The following PDE4D variants were observed in gnomAD, a reference collection of about 807,000 sequenced individuals.
PDE4D encodes the protein phosphodiesterase 4D, also known as 3',5'-cyclic-AMP phosphodiesterase 4D.
A neutral mutation model predicts 87.4 loss-of-function variants in PDE4D; 24 were observed. The observed-to-expected ratio is 0.27, with a 90% confidence interval of 0.20 to 0.39. PDE4D has a LOEUF of 0.39. Ranked by LOEUF, PDE4D falls within the 10% of genes least tolerant of loss-of-function variation. The probability of loss-of-function intolerance (pLI) is 1.00; values close to 1 mark genes in which losing one functional copy is unlikely to be tolerated. For synonymous variants in PDE4D, 384 were observed against 383.2 expected, an observed-to-expected ratio of 1.00 and a Z score of -0.02; for missense variants, 714 against 1,041.0, an observed-to-expected ratio of 0.69 and a Z score of 4.32.
chr5:59,156,488 CT>C (rs1392882447), intron 5 of PDE4D, among the ~76,000 whole-genome samples: 3 of 149,882 alleles, frequency 2.0e-5, no homozygotes, highest in African/African-American at 7.5e-5. Flanking sequence ...ACTATTCCTT[CT>C]TTTTTCCTCC....
chr5:60,376,142 G>C (rs554533397), intron 1 of PDE4D, among the ~76,000 whole-genome samples: 3 of 152,200 alleles, frequency 2.0e-5, no homozygotes, highest in South Asian at 4.1e-4. Flanking sequence ...TTAACAAATT[G>C]TCACCAATTT....
At chr5:60,095,225 AGT>A in intron 2 of PDE4D, among the ~76,000 whole-genome samples, 1 of 152,076 alleles carries the variant, frequency 6.6e-6, no homozygotes, top group Middle Eastern at 3.4e-3. Context: ...AACAGGCCCC[AGT>A]GTGTGATGTT....
intron 2 of PDE4D, among the ~76,000 whole-genome samples, chr5:60,082,307 G>A (rs1220878210): frequency 2.0e-5 from 3 of 152,130 alleles, no homozygotes; most frequent in Admixed American, 1.3e-4. Context: ...TGTTATCCAC[G>A]ATGTAAGGAT....
chr5:60,178,218 A>G (rs1040240632), intron 2 of PDE4D, among the ~76,000 whole-genome samples: 9 of 152,122 alleles, frequency 5.9e-5, no homozygotes, highest in African/African-American at 2.2e-4. Flanking sequence ...ACTTTTACCA[A>G]CATCTAATTG....
chr5:59,865,594 A>AG (rs1469806996), intron 1 of PDE4D, among the ~76,000 whole-genome samples: 2 of 152,222 alleles, frequency 1.3e-5, no homozygotes, highest in African/African-American at 2.4e-5. Context: ...AAGCTTCAGA[A>AG]GACACTATTT....
intron 3 of PDE4D, among the ~76,000 whole-genome samples, chr5:59,189,298 G>C (rs1743775661): frequency 7.8e-6 from 1 of 128,644 alleles, no homozygotes; most frequent in Non-Finnish European, 1.6e-5. Context: ...TGCCCAGGAT[G>C]GAGTGCAATG....
chr5:59,062,772 T>G (rs1763342620), intron 5 of PDE4D, among the ~76,000 whole-genome samples: 1 of 149,260 alleles, frequency 6.7e-6, no homozygotes, highest in Non-Finnish European at 1.5e-5. Flanking sequence ...AGATAAAACT[T>G]TTTTTAAAGG....
intron 1 of PDE4D, among the ~76,000 whole-genome samples, chr5:60,462,402 C>T (rs996968006): frequency 2.6e-5 from 4 of 152,094 alleles, no homozygotes; most frequent in Non-Finnish European, 5.9e-5. Flanking sequence ...TCCAGTTGCA[C>T]AGTGGAGCCA....
At chr5:59,997,677 C>G (rs1015023289) in intron 2 of PDE4D, among the ~76,000 whole-genome samples, 2 of 151,894 alleles carry the variant, frequency 1.3e-5, no homozygotes, top group Admixed American at 6.6e-5. Flanking sequence ...CAAAATATCC[C>G]CTTGATAAAC....
At chr5:59,393,912 T>TA (rs751465353) in intron 1 of PDE4D, among the ~76,000 whole-genome samples, 47 of 152,334 alleles carry the variant, frequency 3.1e-4, no homozygotes, top group Admixed American at 3.9e-4. Flanking sequence ...ATAAATGTGA[T>TA]AAAAGTTTTC....
intron 1 of PDE4D, among the ~76,000 whole-genome samples, chr5:60,413,631 G>A (rs574832229): frequency 1.5e-4 from 23 of 152,154 alleles, no homozygotes; most frequent in African/African-American, 5.5e-4. Flanking sequence ...AAGGGCCAAA[G>A]CCTATCCTTA....
intron 1 of PDE4D, among the ~76,000 whole-genome samples, chr5:59,315,861 C>A (rs60742332): frequency 8.3e-4 from 127 of 152,126 alleles, no homozygotes; most frequent in Middle Eastern, 3.4e-3. Context: ...GAGCACGCGG[C>A]GATTAGCCAA....
intron 1 of PDE4D, among the ~76,000 whole-genome samples, chr5:59,286,068 C>T (rs1011220700): frequency 6.6e-6 from 1 of 152,118 alleles, no homozygotes; most frequent in African/African-American, 2.4e-5. Context: ...TTGTATCAAC[C>T]ACATGAAGAC....
intron 1 of PDE4D, among the ~76,000 whole-genome samples, chr5:59,318,193 A>G (rs529437266): frequency 4.0e-4 from 61 of 152,300 alleles, no homozygotes; most frequent in African/African-American, 1.4e-3. Context: ...CACTGGAGGC[A>G]TTTTTATAAA....
At chr5:59,999,985 G>T (rs1296893986) in intron 2 of PDE4D, among the ~76,000 whole-genome samples, 1 of 151,586 alleles carries the variant, frequency 6.6e-6, no homozygotes, top group Non-Finnish European at 1.5e-5. Context: ...GCAGAAGAAA[G>T]AATAAATGAA....
At chr5:59,505,611 A>G (rs1184228651) in intron 1 of PDE4D, among the ~76,000 whole-genome samples, 1 of 152,210 alleles carries the variant, frequency 6.6e-6, no homozygotes, top group Non-Finnish European at 1.5e-5. Flanking sequence ...AGCATTTTAC[A>G]TTTTGCATAT....
chr5:59,743,218 CA>C (rs1759114802), intron 1 of PDE4D, among the ~76,000 whole-genome samples: 1 of 151,810 alleles, frequency 6.6e-6, no homozygotes, highest in Non-Finnish European at 1.5e-5. Context: ...AGAGAGCCCC[CA>C]AAAAATGGTA....
At chr5:59,524,175 A>G (rs1289704965) in intron 1 of PDE4D, among the ~76,000 whole-genome samples, 1 of 152,218 alleles carries the variant, frequency 6.6e-6, no homozygotes, top group South Asian at 2.1e-4. Context: ...GAGGCCTCAG[A>G]AGAAGACAGG....
chr5:59,197,136 T>G (rs1471552917), intron 2 of PDE4D, among the ~76,000 whole-genome samples: 1 of 152,036 alleles, frequency 6.6e-6, no homozygotes, highest in Non-Finnish European at 1.5e-5. Context: ...CATGGAAATA[T>G]GTCTCCTAAT....
Sources: allele counts gnomAD v4.1 joint callset (sites outside exome capture counted in the v4.1 genomes callset), GRCh38; gene constraint gnomAD v4.1.1; transcripts MANE v1.5; gene names NCBI Gene and HGNC (gene_info 2026-07-23, HGNC 2026-07-21).